NRG1: variants seen among roughly 807,000 people sequenced by gnomAD.
NRG1 encodes neuregulin 1, also known as pro-neuregulin-1, membrane-bound isoform.
NRG1 carries 18 observed loss-of-function variants against 63.8 expected under a neutral mutation model. The observed-to-expected ratio is 0.28, with a 90% CI of 0.19 to 0.42. The LOEUF (loss-of-function observed/expected upper bound fraction) is 0.42. Ranked by LOEUF, NRG1 falls within the 10% of genes least tolerant of loss-of-function variation. The pLI is 1.00. For missense variants in NRG1, 762 were observed against 814.7 expected (o/e 0.94, Z 0.79); for synonymous variants, 302 against 301.3 (o/e 1.00, Z -0.02).
chr8:31,706,519 G>T (rs1248813268), intron 1 of NRG1, among the ~76,000 whole-genome samples: 3 of 152,084 alleles, frequency 2.0e-5, no homozygotes, highest in East Asian at 1.9e-4. Context: ...ATACTGCAAA[G>T]AATATTATAT....
chr8:32,645,777 C>T (rs1853387142), intron 5 of NRG1, among the ~76,000 whole-genome samples: 1 of 152,168 alleles, frequency 6.6e-6, no homozygotes, highest in East Asian at 1.9e-4. Context: ...GTGTGGATTA[C>T]AGGTTCAGAT....
Position 31,682,279 on chromosome 8 carries a change from A to G in NRG1, c.37+42848A>G, listed in dbSNP as rs116890544. On this transcript the variant is annotated intron_variant, in intron 1 of 10. Transcript: ENST00000519301. ...AGGTTCCCACCAGCACTGAATTCCCATCAGCAATGAATGAGAGTTTCTGTT... is the reference window on the plus strand; with the variant it reads ...AGGTTCCCACCAGCACTGAATTCCCGTCAGCAATGAATGAGAGTTTCTGTT... Among the ~76,000 whole-genome samples the G allele has an allele frequency of 0.013, 2,007 of 152,132 alleles. 63 individuals are homozygous for G. The South Asian group carries it at 0.14, about 11-fold the overall frequency.
At chr8:32,480,120 T>C (rs1231738853) in intron 1 of NRG1, among the ~76,000 whole-genome samples, 3 of 152,094 alleles carry the variant, frequency 2.0e-5, no homozygotes, top group Non-Finnish European at 2.9e-5. Context: ...ATTGAACAAA[T>C]GCTCCTTAAG....
chr8:32,090,463 GGT>G (rs1187996971), intron 1 of NRG1, among the ~76,000 whole-genome samples: 2 of 152,090 alleles, frequency 1.3e-5, no homozygotes, highest in East Asian at 3.9e-4. Context: ...TGGGATTATA[GGT>G]GCATGCCATC....
intron 1 of NRG1, among the ~76,000 whole-genome samples, chr8:32,146,233 T>A (rs1236159581): frequency 6.6e-6 from 1 of 152,198 alleles, no homozygotes; most frequent in Admixed American, 6.5e-5. Flanking sequence ...TTTAAGTGTC[T>A]TAAAAAAACT....
chr8:32,178,055 A>T (rs547809207), intron 1 of NRG1, among the ~76,000 whole-genome samples: 22 of 152,132 alleles, frequency 1.4e-4, no homozygotes, highest in Admixed American at 1.2e-3. Context: ...AGGCAAGGGG[A>T]GGGGGAAGCA....
chr8:32,493,090 T>C (rs1477462918), intron 1 of NRG1, among the ~76,000 whole-genome samples: 1 of 152,182 alleles, frequency 6.6e-6, no homozygotes, highest in Non-Finnish European at 1.5e-5. Flanking sequence ...ATGGCAACTT[T>C]ACCGTGCTTA....
chr8:32,198,387 A>G (rs943615175), intron 1 of NRG1, among the ~76,000 whole-genome samples: 6 of 152,138 alleles, frequency 3.9e-5, no homozygotes, highest in Admixed American at 6.5e-5. Context: ...CATGTTGGTC[A>G]GGCTGGTCTC....
At chr8:31,802,714 C>G (rs1319286568) in intron 1 of NRG1, among the ~76,000 whole-genome samples, 1 of 152,066 alleles carries the variant, frequency 6.6e-6, no homozygotes, top group Non-Finnish European at 1.5e-5. Flanking sequence ...AATCAGCAAG[C>G]TATAAACCCA....
At chr8:32,765,458 G>A (rs910263694) in exon 12 of NRG1, 3 of 152,142 alleles carry the variant, frequency 2.0e-5, no homozygotes, top group Non-Finnish European at 4.4e-5. Flanking sequence ...TGTCATCATA[G>A]GGAAGTATTT....
chr8:31,777,767 G>A (rs561207132), intron 1 of NRG1, among the ~76,000 whole-genome samples: 4 of 152,232 alleles, frequency 2.6e-5, no homozygotes, highest in African/African-American at 4.8e-5. Context: ...AAGACAGAGC[G>A]GGGGAGATGC....
intron 1 of NRG1, among the ~76,000 whole-genome samples, chr8:31,730,310 C>T (rs1381666261): frequency 1.3e-5 from 2 of 152,056 alleles, no homozygotes; most frequent in African/African-American, 2.4e-5. Flanking sequence ...GTTGTTAGTG[C>T]GTGTGGACCC....
chr8:32,764,575 C>T (rs991749025), exon 12 of NRG1: 13 of 526,894 alleles, frequency 2.5e-5, no homozygotes, highest in Admixed American at 3.8e-5. Flanking sequence ...CCATATGTAG[C>T]AATTTTTTAC....
At chr8:31,828,324 T>A (rs10092263) in intron 1 of NRG1, among the ~76,000 whole-genome samples, 5,379 of 152,308 alleles carry the variant, frequency 0.035, 354 homozygotes, top group African/African-American at 0.12. Context: ...TTTTGTCACC[T>A]GCTTCAATAT....
chr8:32,171,408 T>A (rs1290148169), intron 1 of NRG1: 1 of 152,178 alleles, frequency 6.6e-6, no homozygotes, highest in African/African-American at 2.4e-5. Context: ...AGTCTAGAGC[T>A]CCCAGCATGA....
At chr8:32,433,539 C>G (rs1818426970) in intron 1 of NRG1, among the ~76,000 whole-genome samples, 1 of 152,128 alleles carries the variant, frequency 6.6e-6, no homozygotes, top group Non-Finnish European at 1.5e-5. Flanking sequence ...AATGTAACCT[C>G]CTGCTGTGAT....
intron 5 of NRG1, among the ~76,000 whole-genome samples, chr8:32,666,253 A>G (rs1321650128): frequency 6.6e-6 from 1 of 152,206 alleles, no homozygotes; most frequent in Non-Finnish European, 1.5e-5. Context: ...TCAGAATCAC[A>G]TGTTCAGATG....
At chr8:31,777,301 A>G (rs902470547) in intron 1 of NRG1, among the ~76,000 whole-genome samples, 2 of 152,196 alleles carry the variant, frequency 1.3e-5, no homozygotes, top group Non-Finnish European at 2.9e-5. Context: ...AGAACTTTTC[A>G]TCTATTAATT....
At chr8:32,374,863 T>G (rs1809413249) in intron 1 of NRG1, among the ~76,000 whole-genome samples, 1 of 152,152 alleles carries the variant, frequency 6.6e-6, no homozygotes. Context: ...TGGGGGATAG[T>G]GGAGGAGGGT....
Sources: allele counts gnomAD v4.1 joint callset (sites outside exome capture counted in the v4.1 genomes callset), GRCh38; gene constraint gnomAD v4.1.1; transcripts MANE v1.5; gene names NCBI Gene and HGNC (gene_info 2026-07-23, HGNC 2026-07-21).